REV3L: variants seen among roughly 807,000 people sequenced by gnomAD.
REV3L encodes DNA polymerase zeta catalytic subunit.
Under a neutral mutation model 299.4 loss-of-function variants are expected in REV3L, and 69 were observed. That is an observed-to-expected ratio of 0.23 (90% CI 0.19 to 0.28). REV3L has a LOEUF of 0.28. Ranked by LOEUF, REV3L falls within the 10% of genes least tolerant of loss-of-function variation. The pLI is 1.00. For synonymous variants in REV3L, 1,238 were observed against 1,271.4 expected (o/e 0.97, Z 0.56); for missense variants, 3,128 against 3,693.8 (o/e 0.85, Z 3.97).
In REV3L at chr6:111,372,696, T is replaced by C. The variant is rs1235240982; in HGVS notation, c.5659A>G (p.Arg1887Gly). ...AACAAAGTTGCCATAATTTCTTCCC[T>C]ACTTGGGGGGGACATAAGTGGTTTC... ...ILKPLMSPPSREEIMATLLDH... is the reference protein window; with the variant it reads ...ILKPLMSPPSGEEIMATLLDH... The change falls in exon 13 of 32, where the codon AGG becomes GGG. Residue 1887 changes from arginine (R) to glycine (G), a missense_variant. Around this residue, in one of 9 missense-constraint regions of REV3L, gnomAD observed 2,409 missense variants for 2,611.8 expected, o/e 0.92. Coordinates refer to ENST00000368802, the MANE Select transcript of REV3L (RefSeq NM_001372078.1). 6.2e-7 allele frequency: 1 copy of C among 1,600,138 alleles called. No homozygotes were observed. Among genetic ancestry groups the C allele is most frequent in the Non-Finnish European group, 8.5e-7 (1 of 1,174,214 alleles).
At chr6:111,318,282 T>A (rs1773754110) in intron 26 of REV3L, among the ~76,000 whole-genome samples, 1 of 151,288 alleles carries the variant, frequency 6.6e-6, no homozygotes. Context: ...AGAGACGGGG[T>A]TTCACCGTGT....
chr6:111,430,414 A>T, intron 1 of REV3L: 1 of 1,439,658 alleles, frequency 6.9e-7, no homozygotes, highest in Non-Finnish European at 9.8e-7. Context: ...GAAAAACTAA[A>T]GGATATTTTC....
chr6:111,332,132 C>T (rs372897584), intron 23 of REV3L, among the ~76,000 whole-genome samples: 6 of 152,148 alleles, frequency 3.9e-5, no homozygotes, highest in Admixed American at 2.0e-4. Flanking sequence ...AGTGCAGTGG[C>T]GCGATCTCGG....
intron 1 of REV3L, among the ~76,000 whole-genome samples, chr6:111,466,439 G>C (rs1287225223): frequency 6.6e-6 from 1 of 152,240 alleles, no homozygotes. Context: ...TTTTCTCTAA[G>C]AAGTCACTGA....
At chr6:111,476,569 A>G (rs1792966338) in intron 1 of REV3L, among the ~76,000 whole-genome samples, 1 of 152,172 alleles carries the variant, frequency 6.6e-6, no homozygotes, top group South Asian at 2.1e-4. Context: ...CAGATTATGG[A>G]GTTTTAGATA....
chr6:111,330,923 G>A, intron 24 of REV3L: 1 of 912,642 alleles, frequency 1.1e-6, no homozygotes, highest in South Asian at 5.1e-5. Context: ...GCTAATTTTA[G>A]TTTAGTATTC....
chr6:111,472,756 C>T (rs903939439), intron 1 of REV3L, among the ~76,000 whole-genome samples: 3 of 151,922 alleles, frequency 2.0e-5, no homozygotes, highest in African/African-American at 7.3e-5. Flanking sequence ...CCACAGAGAG[C>T]TGGAAGAAAC....
chr6:111,468,509 C>G (rs1791781501), intron 1 of REV3L, among the ~76,000 whole-genome samples: 1 of 152,074 alleles, frequency 6.6e-6, no homozygotes, highest in African/African-American at 2.4e-5. Flanking sequence ...ATAAGGGCCT[C>G]TCAAGCATAT....
chr6:111,481,561 G>C (rs906973432), intron 1 of REV3L, among the ~76,000 whole-genome samples: 1 of 152,166 alleles, frequency 6.6e-6, no homozygotes, highest in Non-Finnish European at 1.5e-5. Flanking sequence ...CTTGTGTTTG[G>C]GAAAGCGCTA....
At chr6:111,325,684 G>A (rs545501641) in intron 25 of REV3L, among the ~76,000 whole-genome samples, 10 of 152,076 alleles carry the variant, frequency 6.6e-5, no homozygotes, top group South Asian at 4.2e-4. Context: ...ACGTATATGC[G>A]GTACATATGA....
In REV3L at chr6:111,422,581, TATATATATATATACAC is replaced by T. The variant is rs1562286393; in HGVS notation, c.140-6125_140-6110del. ...TGATTCTTTTATATATATATACACA[TATATATATATATACAC>T]ATATATATATATATACACATATATA... On this transcript the variant is annotated intron_variant, in intron 1 of 31. Coordinates refer to ENST00000368802, the MANE Select transcript of REV3L (RefSeq NM_001372078.1). Among the ~76,000 whole-genome samples the T allele has an allele frequency of 1.3e-3, 50 of 39,418 alleles. 6 individuals are homozygous for T. Among genetic ancestry groups the T allele is most frequent in the Non-Finnish European group, 2.9e-3 (44 of 15,260 alleles). 25.9% of individuals were successfully genotyped at this position (39,418 alleles called of 152,430 possible).
intron 17 of REV3L, among the ~76,000 whole-genome samples, chr6:111,357,599 A>T (rs563383316): frequency 2.4e-4 from 36 of 152,252 alleles, no homozygotes; most frequent in Admixed American, 2.0e-3. Flanking sequence ...AGGCTGAGGC[A>T]GGAGAATGGC....
intron 1 of REV3L, among the ~76,000 whole-genome samples, chr6:111,464,546 T>C (rs548430092): frequency 6.6e-6 from 1 of 152,140 alleles, no homozygotes; most frequent in African/African-American, 2.4e-5. Flanking sequence ...CTCAACAACA[T>C]ACATATAGGA....
chr6:111,469,394 A>G (rs2128335557), intron 1 of REV3L, among the ~76,000 whole-genome samples: 1 of 152,352 alleles, frequency 6.6e-6, no homozygotes. Context: ...TTGCTTACAT[A>G]AACACTACTT....
intron 4 of REV3L, among the ~76,000 whole-genome samples, chr6:111,401,594 G>T (rs927931247): frequency 6.6e-6 from 1 of 152,178 alleles, no homozygotes; most frequent in Non-Finnish European, 1.5e-5. Flanking sequence ...TGCTCTAAAA[G>T]GGAGGCACAT....
intron 22 of REV3L, 101 bp from the exon 23 acceptor site, chr6:111,333,468 A>T: frequency 2.9e-6 from 4 of 1,365,144 alleles, no homozygotes; most frequent in Non-Finnish European, 3.0e-6. Flanking sequence ...TCAGAATAAG[A>T]TTGTATGACT....
At chr6:111,464,777 G>T (rs1322566337) in intron 1 of REV3L, among the ~76,000 whole-genome samples, 2 of 152,134 alleles carry the variant, frequency 1.3e-5, no homozygotes, top group East Asian at 3.9e-4. Context: ...CTAGACAGGT[G>T]GACTTCCTGA....
At chr6:111,431,339 C>T (rs1786901377) in intron 1 of REV3L, 3 of 1,055,590 alleles carry the variant, frequency 2.8e-6, no homozygotes, top group Non-Finnish European at 4.5e-6. Flanking sequence ...AGAAGTAGAG[C>T]CACCAGGATG....
At chr6:111,421,924 A>T (rs1785409608) in intron 1 of REV3L, among the ~76,000 whole-genome samples, 1 of 152,074 alleles carries the variant, frequency 6.6e-6, no homozygotes, top group Non-Finnish European at 1.5e-5. Context: ...GTCTTTCTAA[A>T]TTTTACTCCA....
Sources: gnomAD v4.1 joint callset for allele counts (sites outside exome capture counted in the v4.1 genomes callset) on GRCh38, gnomAD v4.1.1 for gene constraint, gnomAD v4.1.1 regional missense constraint, MANE v1.5 for transcripts, NCBI Gene and HGNC (gene_info 2026-07-23, HGNC 2026-07-21) for gene names.